SETX: variants seen among roughly 807,000 people sequenced by gnomAD.
SETX encodes senataxin, also known as helicase senataxin.
In SETX, 90 loss-of-function variants were observed where a neutral mutation model predicts 227.2. That is an observed-to-expected ratio of 0.40 (90% confidence interval 0.33 to 0.47). The LOEUF (loss-of-function observed/expected upper bound fraction) is 0.47, where lower values mean the gene tolerates loss of function less well. SETX is among the 20% of genes least tolerant of loss of function. The pLI, the probability that SETX is intolerant of heterozygous loss-of-function variation, is 0.91. For synonymous variants in SETX, 1,210 were observed against 1,113.2 expected (o/e 1.09, Z -1.73); for missense variants, 3,052 against 3,181.5 (o/e 0.96, Z 0.98).
intron 11 of SETX, among the ~76,000 whole-genome samples, chr9:132,304,994 CAAAAAAAAA>C (rs1845239178): frequency 6.9e-6 from 1 of 145,038 alleles, no homozygotes; most frequent in South Asian, 2.2e-4. Flanking sequence ...GACTCCATCT[CAAAAAAAAA>C]GAAAAAAAAG....
At chr9:132,276,302 G>C (rs915954019) in intron 22 of SETX, among the ~76,000 whole-genome samples, 1 of 152,042 alleles carries the variant, frequency 6.6e-6, no homozygotes, top group African/African-American at 2.4e-5. Context: ...AAACCTTTAG[G>C]CTGCAGTCCC....
In SETX at chr9:132,326,339, C is replaced by T. The variant is rs1846752186; in HGVS notation, c.5259G>A (p.Leu1753=). ...ACATACTTACTGTTTCAAAAGTATT[C>T]AATACCATCAAAGGGAAAAAAACAT... The part of the protein sequence containing the change: ...YFNVFFPLMV[L]NTFETVAQEW... Residue 1753 remains leucine, a synonymous_variant, in exon 10 of 26, where the codon TTG becomes TTA. Coordinates refer to ENST00000224140, the MANE Select transcript of SETX (RefSeq NM_015046.7). The T allele has an allele frequency of 6.2e-7, 1 of 1,608,378 alleles. No homozygotes were observed. Among genetic ancestry groups the T allele is most frequent in the South Asian group, 1.1e-5 (1 of 90,908 alleles).
At chr9:132,355,784 C>T (rs551218450), upstream of SETX, among the ~76,000 whole-genome samples, 2 of 152,046 alleles carry the variant, frequency 1.3e-5, no homozygotes, top group East Asian at 3.9e-4. Flanking sequence ...GTCAGGAGTT[C>T]GAGACCAGCC....
At position 132,340,776 on chromosome 9, in the gene SETX, C is replaced by A. The variant is rs559173510; in HGVS notation, c.498+1914G>T. On this transcript the variant is annotated intron_variant, in intron 5 of 25. Coordinates refer to ENST00000224140, the MANE Select transcript of SETX (RefSeq NM_015046.7). ...TGTGCTGATTTCATTCCTACCTTCA[C>A]CTGGATCAGATCTTTTAGTTGAGAA... is the stretch of plus-strand genomic sequence containing the variant. Among the ~76,000 whole-genome samples, 94 of 152,328 alleles carry A rather than the reference C, an allele frequency of 6.2e-4. 1 individual carries two copies. The highest frequency in any genetic ancestry group is 2.1e-3 in the African/African-American group (89 of 41,564).
rs755461440 is a variant in SETX at position 132,328,499 on chromosome 9, G to A, written c.3099C>T (p.Leu1033=). Residue 1033 remains leucine (L), a synonymous_variant, in exon 10 of 26, where the codon CTC becomes CTT. Coordinates refer to ENST00000224140, the MANE Select transcript of SETX (RefSeq NM_015046.7). The part of the protein sequence containing the change: ...DDERILSLEK[L]TKQDKICLER... ...CAAGGCATATTTTGTCCTGTTTAGT[G>A]AGTTTCTCAAGACTCAGGATTCTTT... is the stretch of plus-strand genomic sequence containing the variant. 2 of 1,613,714 alleles carry A rather than the reference G, an allele frequency of 1.2e-6. No individual in the cohort carries two copies. The highest frequency in any genetic ancestry group is 2.2e-5 in the East Asian group (1 of 44,888).
chr9:132,324,663 G>A (rs1327883589), intron 10 of SETX, among the ~76,000 whole-genome samples: 1 of 152,170 alleles, frequency 6.6e-6, no homozygotes, highest in African/African-American at 2.4e-5. Context: ...GTCACTTCCA[G>A]AGAGCAGAGA....
intron 7 of SETX, among the ~76,000 whole-genome samples, chr9:132,332,518 T>C (rs1847304826): frequency 6.6e-6 from 1 of 152,246 alleles, no homozygotes; most frequent in Non-Finnish European, 1.5e-5. Context: ...TTATATATGT[T>C]TGTATCCTCC....
At chr9:132,313,138 G>A (rs1483017388) in intron 10 of SETX, among the ~76,000 whole-genome samples, 1 of 152,144 alleles carries the variant, frequency 6.6e-6, no homozygotes, top group East Asian at 1.9e-4. Flanking sequence ...CAACAGAAAT[G>A]TTCTAAAACT....
At chr9:132,289,835 C>G (rs1248126687) in intron 15 of SETX, among the ~76,000 whole-genome samples, 1 of 152,178 alleles carries the variant, frequency 6.6e-6, no homozygotes, top group Non-Finnish European at 1.5e-5. Flanking sequence ...CAGGTTAACA[C>G]ATTGCTTTCT....
chr9:132,285,292 TAAAAC>T (rs1017302701), intron 18 of SETX, among the ~76,000 whole-genome samples: 4 of 152,084 alleles, frequency 2.6e-5, no homozygotes, highest in Non-Finnish European at 5.9e-5. Context: ...TTACCAGACT[TAAAAC>T]AAAAAAGATA....
At chr9:132,293,546 C>T (rs1264817791) in intron 15 of SETX, among the ~76,000 whole-genome samples, 11 of 152,010 alleles carry the variant, frequency 7.2e-5, no homozygotes, top group Admixed American at 6.6e-4. Context: ...CTCAGCCTCC[C>T]GAGAAGCTGA....
rs1846864568 is a variant in SETX at position 132,327,249 on chromosome 9, G to A, written c.4349C>T (p.Thr1450Ile). The A allele has an allele frequency of 6.2e-7, 1 of 1,614,068 alleles. No individual in the cohort carries two copies. Among genetic ancestry groups the A allele is most frequent in the Non-Finnish European group, 8.5e-7 (1 of 1,180,042 alleles). Residue 1450 changes from threonine (T) to isoleucine (I), a missense_variant, in exon 10 of 26, where the codon ACA becomes ATA. Physicochemically the swap from Thr to Ile is moderately conservative, Grantham distance 89. Coordinates refer to ENST00000224140, the MANE Select transcript of SETX (RefSeq NM_015046.7). The part of the protein sequence containing the change: ...NQCDSVVLNG[T>I]VPTNEVIVST... ...GACAATTACTTCATTTGTTGGTACT[G>A]TTCCATTTAACACTACAGAATCACA...
rs185201831 is a variant in SETX at position 132,335,963 on chromosome 9, C to T, written c.718+333G>A. Among the ~76,000 whole-genome samples the T allele has an allele frequency of 5.1e-3, 769 of 152,204 alleles. 2 individuals are homozygous for T. The highest frequency in any genetic ancestry group is 8.6e-3 in the Non-Finnish European group (585 of 68,000). ...AGGACCCTCATAGGAACTACAGGGC[C>T]GGGCGCGGTAGCTCACGCCTGTAAT... On this transcript the variant is annotated intron_variant, in intron 6 of 25. Transcript: ENST00000224140.
rs73545068 is a variant in SETX at position 132,268,381 on chromosome 9, G to A, written c.7287+1234C>T. On this transcript the variant is annotated intron_variant, in intron 25 of 25. Coordinates refer to ENST00000224140, the MANE Select transcript of SETX (RefSeq NM_015046.7). ...CAAAAATTAGGTACATGCGCCTATA[G>A]TCTCAGCTACTCAGGAGGCTGAGGT... Among the ~76,000 whole-genome samples, 208 of 152,312 alleles carry A rather than the reference G, an allele frequency of 1.4e-3. 1 individual carries two copies. The highest frequency in any genetic ancestry group is 4.7e-3 in the African/African-American group (196 of 41,560).
At chr9:132,267,010 T>G (rs1842682565) in intron 25 of SETX, among the ~76,000 whole-genome samples, 1 of 152,234 alleles carries the variant, frequency 6.6e-6, no homozygotes, top group Non-Finnish European at 1.5e-5. Context: ...TATGTATGGA[T>G]AAGAATATGG....
chr9:132,282,527 C>A (rs1055536707), intron 19 of SETX, among the ~76,000 whole-genome samples: 1 of 151,842 alleles, frequency 6.6e-6, no homozygotes, highest in African/African-American at 2.4e-5. Flanking sequence ...TGGGCTCAAG[C>A]GATCCACCCT....
intron 14 of SETX, 31 bp downstream of exon 14, chr9:132,296,856 T>C (rs1844701154): frequency 6.2e-7 from 1 of 1,607,038 alleles, no homozygotes; most frequent in Non-Finnish European, 8.5e-7. Flanking sequence ...TACAGCTAGT[T>C]AACAGCATCA....
intron 6 of SETX, among the ~76,000 whole-genome samples, chr9:132,335,118 T>G (rs75242062): frequency 1.3e-5 from 2 of 151,672 alleles, no homozygotes; most frequent in South Asian, 2.1e-4. Context: ...AGGCCGGGCG[T>G]GGTGGCTCAC....
At chr9:132,349,456 A>T in intron 2 of SETX, 21 bp from the exon 3 acceptor site, 2 of 1,613,824 alleles carry the variant, frequency 1.2e-6, no homozygotes, top group Non-Finnish European at 8.5e-7. Flanking sequence ...AAAAGATGAC[A>T]TCAAGAAGAA....
Sources: gnomAD v4.1 joint callset for allele counts (sites outside exome capture counted in the v4.1 genomes callset) on GRCh38, gnomAD v4.1.1 for gene constraint, MANE v1.5 for transcripts, NCBI Gene and HGNC (gene_info 2026-07-23, HGNC 2026-07-21) for gene names.